Variants in PGM2L1 observed in about 807,000 individuals in gnomAD.
PGM2L1 encodes glucose 1,6-bisphosphate synthase.
In PGM2L1, 35 loss-of-function variants were observed where a neutral mutation model predicts 73.4. The ratio of observed to expected loss-of-function variants is 0.48; its 90% confidence interval spans 0.36 to 0.63. The LOEUF (loss-of-function observed/expected upper bound fraction) is 0.63. Among genes scored for constraint, PGM2L1 ranks in the 30% least tolerant of loss-of-function variants. PGM2L1 has a pLI of 0.00. For missense variants in PGM2L1, 570 were observed against 742.0 expected (o/e 0.77, Z 2.69); for synonymous variants, 225 against 253.8 (o/e 0.89, Z 1.08).
rs567603459 is a variant in PGM2L1 at position 74,389,342 on chromosome 11, G to T, written c.111+8709C>A. On this transcript the variant is annotated intron_variant, in intron 1 of 13. Transcript: ENST00000298198. ...TTTGTTAATTCAATGTATCTCACAA[G>T]TAAAACCTGGAAGAATCAAATGATG... is the stretch of plus-strand genomic sequence containing the variant. Among the ~76,000 whole-genome samples the T allele has an allele frequency of 5.3e-5, 8 of 152,214 alleles. No individual in the cohort carries two copies. The East Asian group carries it at 1.5e-3, about 29-fold the overall frequency.
intron 1 of PGM2L1, among the ~76,000 whole-genome samples, chr11:74,387,425 A>C (rs1365346477): frequency 2.6e-5 from 4 of 152,210 alleles, no homozygotes; most frequent in African/African-American, 4.8e-5. Flanking sequence ...ACATGAAAGC[A>C]TCTAGTAAGT....
chr11:74,334,435 C>T lies in PGM2L1; in HGVS notation c.*2217G>A, dbSNP rs537156219. The T allele has an allele frequency of 2.4e-4, 37 of 152,300 alleles. No homozygotes were observed. Among genetic ancestry groups the T allele is most frequent in the African/African-American group, 7.9e-4 (33 of 41,570 alleles). The allele number at this position is 152,300 out of a possible 1,614,324, so 9.4% of individuals were successfully genotyped here. A position where few individuals can be genotyped will look rare whatever the true frequency, so the allele number is the denominator to read the frequency against. On this transcript the variant is annotated 3_prime_UTR_variant, in exon 14 of 14. Coordinates refer to ENST00000298198, the MANE Select transcript of PGM2L1 (RefSeq NM_173582.6). ...AGCATATAAAACAAAAGATGTTTTA[C>T]ACATTTTAAAAATAAAACAAAAATT...
chr11:74,365,158 C>T (rs1010136237), intron 5 of PGM2L1, among the ~76,000 whole-genome samples: 54 of 150,970 alleles, frequency 3.6e-4, no homozygotes, highest in African/African-American at 1.2e-3. Flanking sequence ...AACTGGCTAG[C>T]CATATGTAGA....
At chr11:74,351,648 T>C in intron 5 of PGM2L1, 72 bp from the exon 6 acceptor site, 2 of 1,321,018 alleles carry the variant, frequency 1.5e-6, no homozygotes, top group Non-Finnish European at 2.1e-6. Flanking sequence ...ATAGTTGAGA[T>C]CTTCAGCTTT....
intron 1 of PGM2L1, among the ~76,000 whole-genome samples, chr11:74,393,485 A>G (rs1442661165): frequency 6.6e-6 from 1 of 152,208 alleles, no homozygotes; most frequent in African/African-American, 2.4e-5. Context: ...GGGCTACATT[A>G]GGAGGCACAG....
At chr11:74,360,479 A>G (rs1343084467) in intron 5 of PGM2L1, among the ~76,000 whole-genome samples, 1 of 152,068 alleles carries the variant, frequency 6.6e-6, no homozygotes, top group Non-Finnish European at 1.5e-5. Flanking sequence ...TCCCAGCAGG[A>G]CCGACGCAGA....
In PGM2L1 at chr11:74,380,955, G is replaced by C. The variant is rs191601426; in HGVS notation, c.112-6373C>G. ...CTATAATTCTAGAAGGTTTGGCCCTGATCTTGAGTCAGCAATTGCTTAGCT... is the reference window on the plus strand; with the variant it reads ...CTATAATTCTAGAAGGTTTGGCCCTCATCTTGAGTCAGCAATTGCTTAGCT... On this transcript the variant is annotated intron_variant, in intron 1 of 13. Coordinates refer to ENST00000298198, the MANE Select transcript of PGM2L1 (RefSeq NM_173582.6). Among the ~76,000 whole-genome samples, 135 of 152,284 alleles carry C rather than the reference G, an allele frequency of 8.9e-4. 1 individual carries two copies. The highest frequency in any genetic ancestry group is 6.2e-4 in the South Asian group (3 of 4,826).
intron 1 of PGM2L1, among the ~76,000 whole-genome samples, chr11:74,379,128 TACA>T (rs1862901498): frequency 6.6e-6 from 1 of 152,152 alleles, no homozygotes; most frequent in African/African-American, 2.4e-5. Flanking sequence ...CTGCAGGCTG[TACA>T]AGCACAGCAC....
chr11:74,379,421 A>T (rs563408663), intron 1 of PGM2L1, among the ~76,000 whole-genome samples: 4 of 152,284 alleles, frequency 2.6e-5, no homozygotes, highest in African/African-American at 7.2e-5. Flanking sequence ...TACAGGGGAC[A>T]AAACAGCCAA....
At chr11:74,340,949 T>C (rs909987962) in intron 12 of PGM2L1, among the ~76,000 whole-genome samples, 39 of 152,102 alleles carry the variant, frequency 2.6e-4, no homozygotes, top group African/African-American at 9.2e-4. Flanking sequence ...AATGTATACA[T>C]GTAGGTAAGT....
chr11:74,358,860 G>A (rs1004393968), intron 5 of PGM2L1, among the ~76,000 whole-genome samples: 3 of 152,166 alleles, frequency 2.0e-5, no homozygotes, highest in African/African-American at 7.2e-5. Flanking sequence ...CTGCACTCCA[G>A]CTTGGGTGAC....
chr11:74,337,801 T>C (rs1862120032), intron 13 of PGM2L1, among the ~76,000 whole-genome samples: 1 of 152,158 alleles, frequency 6.6e-6, no homozygotes, highest in Non-Finnish European at 1.5e-5. Context: ...ATTTTAAAAT[T>C]CAATTCCCAA....
Position 74,333,067 on chromosome 11 carries a change from AC to A in PGM2L1, c.*3584del, listed in dbSNP as rs1376654848. On this transcript the variant is annotated 3_prime_UTR_variant, in exon 14 of 14. Coordinates refer to ENST00000298198, the MANE Select transcript of PGM2L1 (RefSeq NM_173582.6). ...AGATATGGAGTGAAACCCAAATGTT[AC>A]TTTTAGTGCCCTTTATGACATTTTT... The A allele has an allele frequency of 6.6e-6, 1 of 152,166 alleles. No individual in the cohort carries two copies. The highest frequency in any genetic ancestry group is 1.5e-5 in the Non-Finnish European group (1 of 68,010). The allele number at this position is 152,166 out of a possible 1,614,324, so 9.4% of individuals were successfully genotyped here. A position where few individuals can be genotyped will look rare whatever the true frequency, so the allele number is the denominator to read the frequency against.
chr11:74,347,441 T>A (rs2134891475), intron 6 of PGM2L1, 104 bp from the exon 7 acceptor site: 1 of 1,007,178 alleles, frequency 9.9e-7, no homozygotes, highest in Non-Finnish European at 1.4e-6. Flanking sequence ...AAATGTGATT[T>A]AAGCCTTCAG....
intron 1 of PGM2L1, among the ~76,000 whole-genome samples, chr11:74,395,699 G>A (rs1156742325): frequency 2.6e-5 from 4 of 151,540 alleles, no homozygotes; most frequent in Admixed American, 6.6e-5. Context: ...GAGCCACCGT[G>A]CCTGACCTCT....
chr11:74,370,470 G>A (rs17132991), intron 4 of PGM2L1, among the ~76,000 whole-genome samples: 6,079 of 152,130 alleles, frequency 0.04, 249 homozygotes, highest in African/African-American at 0.11. Context: ...CAGGTATATG[G>A]CTTGATAAGC....
intron 1 of PGM2L1, among the ~76,000 whole-genome samples, chr11:74,377,008 C>T (rs1367154374): frequency 6.6e-6 from 1 of 152,044 alleles, no homozygotes. Flanking sequence ...CCATAATTAT[C>T]ACATATTCTC....
chr11:74,369,741 G>A (rs1862721160), intron 4 of PGM2L1, among the ~76,000 whole-genome samples: 1 of 152,128 alleles, frequency 6.6e-6, no homozygotes, highest in Non-Finnish European at 1.5e-5. Flanking sequence ...CTCCTGATAA[G>A]TTTTATTAAT....
At position 74,335,429 on chromosome 11, in the gene PGM2L1, C is replaced by G. The variant is rs1862081083; in HGVS notation, c.*1223G>C. 1 of 152,116 alleles carries G rather than the reference C, an allele frequency of 6.6e-6. No homozygotes were observed. The highest frequency in any genetic ancestry group is 1.5e-5 in the Non-Finnish European group (1 of 68,022). 9.4% of individuals were successfully genotyped at this position (152,116 alleles called of 1,614,324 possible). A position where few individuals can be genotyped will look rare whatever the true frequency, so the allele number is the denominator to read the frequency against. Reference sequence around the variant, plus strand: ...GCCACTGCGCCCAGCCCAAAAGTGACTTTTTGTAAAAAATTATTTTCTACA... The same window carrying G: ...GCCACTGCGCCCAGCCCAAAAGTGAGTTTTTGTAAAAAATTATTTTCTACA... On this transcript the variant is annotated 3_prime_UTR_variant, in exon 14 of 14. Transcript: ENST00000298198.
Sources: allele counts gnomAD v4.1 joint callset (sites outside exome capture counted in the v4.1 genomes callset), GRCh38; gene constraint gnomAD v4.1.1; transcripts MANE v1.5; gene names NCBI Gene and HGNC (gene_info 2026-07-23, HGNC 2026-07-21).